The following CNTNAP5 variants were observed in gnomAD, a reference collection of about 807,000 sequenced individuals.
CNTNAP5 encodes contactin associated protein family member 5, also known as contactin-associated protein-like 5.
In CNTNAP5, 72 loss-of-function variants were observed where a neutral mutation model predicts 150.2. The ratio of observed to expected loss-of-function variants is 0.48; its 90% confidence interval spans 0.40 to 0.58. CNTNAP5 has a LOEUF of 0.58. CNTNAP5 is among the 20% of genes least tolerant of loss of function. The pLI, the probability that CNTNAP5 is intolerant of heterozygous loss-of-function variation, is 0.00. For synonymous variants in CNTNAP5, 672 were observed against 619.8 expected, an observed-to-expected ratio of 1.08 and a Z score of -1.25; for missense variants, 1,636 against 1,626.2, an observed-to-expected ratio of 1.01 and a Z score of -0.10.
At chr2:124,345,676 C>T (rs1042651260) in intron 3 of CNTNAP5, among the ~76,000 whole-genome samples, 1 of 152,086 alleles carries the variant, frequency 6.6e-6, no homozygotes, top group Admixed American at 6.6e-5. Flanking sequence ...GCCAAATTTG[C>T]TCATCACAAC....
intron 3 of CNTNAP5, among the ~76,000 whole-genome samples, chr2:124,370,752 A>C (rs1414255468): frequency 6.6e-6 from 1 of 152,170 alleles, no homozygotes; most frequent in Non-Finnish European, 1.5e-5. Flanking sequence ...GGGGGACATA[A>C]GGGAGGAAAA....
chr2:124,459,797 C>A (rs967561383), intron 6 of CNTNAP5, among the ~76,000 whole-genome samples: 1 of 148,942 alleles, frequency 6.7e-6, no homozygotes, highest in Non-Finnish European at 1.5e-5. Flanking sequence ...GTGTTCTTAG[C>A]AATGGGAATA....
chr2:124,127,879 C>T (rs191054934), intron 1 of CNTNAP5, among the ~76,000 whole-genome samples: 145 of 152,246 alleles, frequency 9.5e-4, no homozygotes, highest in Middle Eastern at 3.4e-3. Context: ...GAAACTGGAT[C>T]CCTTCCTTAC....
chr2:124,414,326 G>A (rs564111201), intron 3 of CNTNAP5, among the ~76,000 whole-genome samples: 3 of 152,168 alleles, frequency 2.0e-5, no homozygotes, highest in Non-Finnish European at 2.9e-5. Context: ...GGGAGGGGCT[G>A]ATTGTAGCTT....
At chr2:124,761,273 A>C (rs1680950073) in intron 14 of CNTNAP5, among the ~76,000 whole-genome samples, 1 of 152,052 alleles carries the variant, frequency 6.6e-6, no homozygotes, top group South Asian at 2.1e-4. Context: ...GGTACCTGTC[A>C]CTCACAAATT....
intron 13 of CNTNAP5, among the ~76,000 whole-genome samples, chr2:124,656,873 G>A (rs1172512684): frequency 6.6e-6 from 1 of 152,188 alleles, no homozygotes; most frequent in Non-Finnish European, 1.5e-5. Flanking sequence ...TACAGTGGCA[G>A]CACAATGGAA....
At chr2:124,174,956 G>T (rs1485965716) in intron 1 of CNTNAP5, among the ~76,000 whole-genome samples, 1 of 152,040 alleles carries the variant, frequency 6.6e-6, no homozygotes, top group African/African-American at 2.4e-5. Context: ...CAGCAAAAAC[G>T]TTATGACTTG....
At chr2:124,098,287 G>A in intron 1 of CNTNAP5, among the ~76,000 whole-genome samples, 1 of 152,150 alleles carries the variant, frequency 6.6e-6, no homozygotes, top group East Asian at 1.9e-4. Flanking sequence ...ACATCATAAA[G>A]GTCCTCATCC....
rs753078826 is a variant in CNTNAP5 at position 124,713,310 on chromosome 2, CTTT to C, written c.2078-33918_2078-33916del. 4.1e-5 allele frequency among the ~76,000 whole-genome samples: 3 copies of C among 72,840 alleles called. No individual in the cohort carries two copies. In the East Asian group the frequency reaches 1.6e-3, roughly 39 times the overall value. 47.8% of individuals were successfully genotyped at this position (72,840 alleles called of 152,430 possible). A position where few individuals can be genotyped will look rare whatever the true frequency, so the allele number is the denominator to read the frequency against. Reference sequence around the variant, plus strand: ...CTTTCTTTCTTTCTTTCTTCTTTCTCTTTCTTTCCTTTCTTTCTTTCTTTCTTT... The same window carrying C: ...CTTTCTTTCTTTCTTTCTTCTTTCTCCTTTCCTTTCTTTCTTTCTTTCTTT... On this transcript the variant is annotated intron_variant, in intron 13 of 23. Transcript: ENST00000682447.
intron 19 of CNTNAP5, among the ~76,000 whole-genome samples, chr2:124,858,840 A>T (rs1232952848): frequency 6.6e-6 from 1 of 152,180 alleles, no homozygotes; most frequent in Non-Finnish European, 1.5e-5. Flanking sequence ...GAAATAATAA[A>T]AACTGGCTAG....
intron 1 of CNTNAP5, among the ~76,000 whole-genome samples, chr2:124,084,924 G>GTTTTTTTGTTTT (rs1682646498): frequency 1.1e-5 from 1 of 89,980 alleles, no homozygotes; most frequent in Non-Finnish European, 2.0e-5. Context: ...CAAGTTTCCT[G>GTTTTTTTGTTTT]TTTTTTTTTT....
chr2:124,547,874 T>G (rs1695548934), intron 10 of CNTNAP5, among the ~76,000 whole-genome samples: 2 of 152,126 alleles, frequency 1.3e-5, no homozygotes, highest in Admixed American at 6.6e-5. Context: ...AGCAACCTGG[T>G]TGTATTCAAG....
At chr2:124,717,147 G>T (rs1007135993) in intron 13 of CNTNAP5, among the ~76,000 whole-genome samples, 1 of 152,234 alleles carries the variant, frequency 6.6e-6, no homozygotes, top group Admixed American at 6.5e-5. Context: ...AGAGTAGGGT[G>T]GAAAATTAAA....
chr2:124,250,219 C>T (rs1055643992), intron 3 of CNTNAP5, among the ~76,000 whole-genome samples: 14 of 152,126 alleles, frequency 9.2e-5, no homozygotes, highest in South Asian at 2.1e-4. Context: ...GCCTACTGGG[C>T]TCCGCCTGCA....
intron 8 of CNTNAP5, among the ~76,000 whole-genome samples, chr2:124,518,433 A>G (rs1343016182): frequency 2.6e-5 from 4 of 152,170 alleles, no homozygotes; most frequent in Non-Finnish European, 4.4e-5. Context: ...TAACAGAACT[A>G]AAGTTTGAAG....
At chr2:124,638,078 GTGTA>G (rs926833787) in intron 12 of CNTNAP5, among the ~76,000 whole-genome samples, 1 of 151,678 alleles carries the variant, frequency 6.6e-6, no homozygotes, top group Non-Finnish European at 1.5e-5. Context: ...GTGTGTGTGC[GTGTA>G]TGTGTGTGTG....
chr2:124,625,550 C>CACAGTG (rs1193710781), intron 12 of CNTNAP5, among the ~76,000 whole-genome samples: 1 of 152,174 alleles, frequency 6.6e-6, no homozygotes, highest in African/African-American at 2.4e-5. Flanking sequence ...AGGTGATTAG[C>CACAGTG]ACAGTGCTCA....
intron 1 of CNTNAP5, among the ~76,000 whole-genome samples, chr2:124,164,717 C>T (rs866313855): frequency 5.9e-5 from 9 of 152,016 alleles, no homozygotes. Context: ...CACAGGGCCA[C>T]GTAAATCACA....
chr2:124,498,748 G>A (rs1162541732), intron 7 of CNTNAP5, among the ~76,000 whole-genome samples: 5 of 152,138 alleles, frequency 3.3e-5, no homozygotes, highest in Admixed American at 2.0e-4. Flanking sequence ...TCCCTCTTTA[G>A]AGCCTGCATC....
Sources: gnomAD v4.1 joint callset for allele counts (sites outside exome capture counted in the v4.1 genomes callset) on GRCh38, gnomAD v4.1.1 for gene constraint, MANE v1.5 for transcripts, NCBI Gene and HGNC (gene_info 2026-07-23, HGNC 2026-07-21) for gene names.